ASB18: variants seen among roughly 807,000 people sequenced by gnomAD.
ASB18 encodes the protein ankyrin repeat and SOCS box containing 18, also known as ankyrin repeat and SOCS box protein 18.
Under a neutral mutation model 33.4 loss-of-function variants are expected in ASB18, and 33 were observed. The observed-to-expected ratio is 0.99, with a 90% CI of 0.75 to 1.32. The LOEUF (loss-of-function observed/expected upper bound fraction) is 1.32, where lower values mean the gene tolerates loss of function less well. Among genes scored for constraint, ASB18 ranks in the 40% most tolerant of loss-of-function variants. The pLI is 0.00. For synonymous variants in ASB18, 295 were observed against 307.6 expected (o/e 0.96, Z 0.43); for missense variants, 694 against 655.5 (o/e 1.06, Z -0.64).
chr2:236,199,646 G>C (rs530800930), intron 4 of ASB18, among the ~76,000 whole-genome samples: 103 of 151,210 alleles, frequency 6.8e-4, no homozygotes, highest in Admixed American at 1.1e-3. Context: ...AAATAGTAGA[G>C]TATACATAAT....
In ASB18 at chr2:236,260,013, TTC is replaced by T. The variant is rs1652187000; in HGVS notation, c.205+4126_205+4127del. 7.2e-5 allele frequency among the ~76,000 whole-genome samples: 11 copies of T among 152,344 alleles called. No homozygotes were observed. The South Asian group carries it at 2.1e-3, about 29-fold the overall frequency. On this transcript the variant is annotated intron_variant, in intron 1 of 5. Coordinates refer to ENST00000409749, the MANE Select transcript of ASB18 (RefSeq NM_212556.4). This position sits in a 1 kb window ranked among gnomAD's most constrained non-coding sequence, Gnocchi z 5.1. ...GTTGACATGGATGCATCAAAATAAATTCTGTTTCTTTCTGTTCTATTTGGTGG... is the reference window on the plus strand; with the variant it reads ...GTTGACATGGATGCATCAAAATAAATTGTTTCTTTCTGTTCTATTTGGTGG...
chr2:236,196,826 G>T lies in ASB18; in HGVS notation c.1102-441C>A, dbSNP rs2060376463. Among the ~76,000 whole-genome samples, 1 of 152,180 alleles carries T rather than the reference G, an allele frequency of 6.6e-6. No individual in the cohort carries two copies. Among genetic ancestry groups the T allele is most frequent in the South Asian group, 2.1e-4 (1 of 4,826 alleles). On this transcript the variant is annotated intron_variant, in intron 4 of 5. Transcript: ENST00000409749. The surrounding 1 kb of genome is among the most constrained non-coding windows in gnomAD (Gnocchi z 5.6). ...GATGTGTCAGGAAATTGAGAATTGG[G>T]GAAGAGGAATTGTTTTGCTGTTGAA...
intron 3 of ASB18, among the ~76,000 whole-genome samples, chr2:236,218,771 C>T (rs1473346105): frequency 3.7e-5 from 5 of 136,224 alleles, no homozygotes; most frequent in Non-Finnish European, 1.5e-5. Flanking sequence ...GCACTCTAGC[C>T]TGAGTGACAG....
Position 236,264,296 on chromosome 2 carries a change from A to AGATTTAAT in ASB18, c.49_50insATTAAATC (p.Val17AspfsTer2). ...ATCCAGGGCAGACTTTAATCTCTTC[A>AGATTTAAT]CTAAATCTGAGTTGAGTGGGTAGTC... On this transcript the variant is annotated stop_gained and frameshift_variant, in exon 1 of 6. Coordinates refer to ENST00000409749, the MANE Select transcript of ASB18 (RefSeq NM_212556.4). LOFTEE classifies it high-confidence loss of function. The surrounding 1 kb of genome is among the most constrained non-coding windows in gnomAD (Gnocchi z 5.1). 2 of 1,614,012 alleles carry AGATTTAAT rather than the reference A, an allele frequency of 1.2e-6. No individual in the cohort carries two copies. Among genetic ancestry groups the AGATTTAAT allele is most frequent in the Non-Finnish European group, 1.7e-6 (2 of 1,179,886 alleles).
In ASB18 at chr2:236,223,465, A is replaced by G. The variant is rs2060522254; in HGVS notation, c.597-8599T>C. Among the ~76,000 whole-genome samples, 1 of 152,232 alleles carries G rather than the reference A, an allele frequency of 6.6e-6. No individual in the cohort carries two copies. Among genetic ancestry groups the G allele is most frequent in the Admixed American group, 6.5e-5 (1 of 15,286 alleles). ...CTCTATTAGCTTCTTAGACAGGGAT[A>G]GGGGTGAGGTGGGGGGAGCTTTAAA... is the stretch of plus-strand genomic sequence containing the variant. On this transcript the variant is annotated intron_variant, in intron 3 of 5. Coordinates refer to ENST00000409749, the MANE Select transcript of ASB18 (RefSeq NM_212556.4). This position sits in a 1 kb window ranked among gnomAD's most constrained non-coding sequence, Gnocchi z 4.6.
chr2:236,210,949 C>T (rs566459212), intron 4 of ASB18, among the ~76,000 whole-genome samples: 1 of 152,336 alleles, frequency 6.6e-6, no homozygotes, highest in South Asian at 2.1e-4. Flanking sequence ...CAGAAATGTG[C>T]TCCTCAAAGA....
rs867309008 is a variant in ASB18, at chr2:236,238,858, G to A, written c.329-902C>T. On this transcript the variant is annotated intron_variant, in intron 2 of 5. Coordinates refer to ENST00000409749, the MANE Select transcript of ASB18 (RefSeq NM_212556.4). This position sits in a 1 kb window ranked among gnomAD's most constrained non-coding sequence, Gnocchi z 5.2. ...ATCGATACTGTGGCTGTAATGAGCC[G>A]CAGAGGAGACCCTTTTCACAGGCCA... Among the ~76,000 whole-genome samples the A allele has an allele frequency of 2.0e-5, 3 of 152,170 alleles. No individual in the cohort carries two copies. Among genetic ancestry groups the A allele is most frequent in the Admixed American group, 6.5e-5 (1 of 15,278 alleles).
chr2:236,264,321 C>T lies in ASB18; in HGVS notation c.25G>A (p.Asp9Asn), dbSNP rs777525281. ...ACTAAATCTGAGTTGAGTGGGTAGT[C>T]GGGAAGGTAATCCGAGTTGGACATT... MSNSDYLP[D>N]YPLNSDLVKR... Residue 9 changes from aspartate to asparagine, a missense_variant, in exon 1 of 6, where the codon GAC becomes AAC. Transcript: ENST00000409749. This position sits in a 1 kb window ranked among gnomAD's most constrained non-coding sequence, Gnocchi z 5.1. 3.0e-5 allele frequency: 49 copies of T among 1,613,400 alleles called. No individual in the cohort carries two copies. The highest frequency in any genetic ancestry group is 1.6e-4 in the Middle Eastern group (1 of 6,076).
At position 236,242,000 on chromosome 2, in the gene ASB18, A is replaced by G. The variant is rs908759208; in HGVS notation, c.206-598T>C. Among the ~76,000 whole-genome samples the G allele has an allele frequency of 4.6e-5, 7 of 152,176 alleles. No individual in the cohort carries two copies. The East Asian group carries it at 9.6e-4, about 21-fold the overall frequency. ...CTCTCAGATTTTTTTTTAAAGTACT[A>G]TATTTGGAATCTGGAAATAAAAGTC... On this transcript the variant is annotated intron_variant, in intron 1 of 5. Transcript: ENST00000409749. This position sits in a 1 kb window ranked among gnomAD's most constrained non-coding sequence, Gnocchi z 4.2.
rs922631912 is a variant in ASB18, at chr2:236,263,037, G to T, written c.205+1104C>A. On this transcript the variant is annotated intron_variant, in intron 1 of 5. Coordinates refer to ENST00000409749, the MANE Select transcript of ASB18 (RefSeq NM_212556.4). The surrounding 1 kb of genome is among the most constrained non-coding windows in gnomAD (Gnocchi z 4.0). ...GTGTGCATGTGATGCATGTACTTGC[G>T]TGTGCGTGTGTGCACCTATGTTGGG... 6.6e-6 allele frequency among the ~76,000 whole-genome samples: 1 copy of T among 152,184 alleles called. No homozygotes were observed. The highest frequency in any genetic ancestry group is 1.5e-5 in the Non-Finnish European group (1 of 68,044).
At chr2:236,198,002 C>T (rs1200178939) in intron 4 of ASB18, among the ~76,000 whole-genome samples, 1 of 152,136 alleles carries the variant, frequency 6.6e-6, no homozygotes, top group Non-Finnish European at 1.5e-5. Context: ...CATATATCTG[C>T]AGCAATGACC....
chr2:236,241,165 G>A lies in ASB18; in HGVS notation c.328+115C>T. 9.8e-7 allele frequency: 1 copy of A among 1,025,636 alleles called. No individual in the cohort carries two copies. The highest frequency in any genetic ancestry group is 1.5e-6 in the Non-Finnish European group (1 of 680,168). The allele number at this position is 1,025,636 out of a possible 1,614,324, so 63.5% of individuals were successfully genotyped here. ...AAACTTCATCAGATGTCCTTTTCTT[G>A]TGTACGTTAAACCCAGTGCCACTGT... On this transcript the variant is annotated intron_variant, in intron 2 of 5. Coordinates refer to ENST00000409749, the MANE Select transcript of ASB18 (RefSeq NM_212556.4). The surrounding 1 kb of genome is among the most constrained non-coding windows in gnomAD (Gnocchi z 4.2).
At chr2:236,197,650 C>T (rs1397861454) in intron 4 of ASB18, among the ~76,000 whole-genome samples, 1 of 152,076 alleles carries the variant, frequency 6.6e-6, no homozygotes, top group African/African-American at 2.4e-5. Flanking sequence ...GGAGAAACAC[C>T]GTCTCTACTT....
chr2:236,251,018 C>T lies in ASB18; in HGVS notation c.206-9616G>A, dbSNP rs529245551. Among the ~76,000 whole-genome samples, 3 of 152,326 alleles carry T rather than the reference C, an allele frequency of 2.0e-5. No individual in the cohort carries two copies. In the South Asian group the frequency reaches 6.2e-4, roughly 32 times the overall value. ...TTCACATTATTAAGAAATCTCATTTCCATCATGTGGAGGAACACAATAAGG... is the reference window on the plus strand; with the variant it reads ...TTCACATTATTAAGAAATCTCATTTTCATCATGTGGAGGAACACAATAAGG... On this transcript the variant is annotated intron_variant, in intron 1 of 5. Coordinates refer to ENST00000409749, the MANE Select transcript of ASB18 (RefSeq NM_212556.4). This position sits in a 1 kb window ranked among gnomAD's most constrained non-coding sequence, Gnocchi z 5.3.
chr2:236,212,236 T>A (rs1170827559), intron 4 of ASB18, among the ~76,000 whole-genome samples: 1 of 152,176 alleles, frequency 6.6e-6, no homozygotes, highest in East Asian at 1.9e-4. Flanking sequence ...ACCCCATTTC[T>A]GTGTGGCTGA....
At position 236,200,545 on chromosome 2, in the gene ASB18, T is replaced by C. The variant is rs144064414; in HGVS notation, c.1102-4160A>G. Among the ~76,000 whole-genome samples the C allele has an allele frequency of 3.1e-3, 473 of 152,300 alleles. 2 individuals carry two copies. The highest frequency in any genetic ancestry group is 0.011 in the African/African-American group (442 of 41,568). On this transcript the variant is annotated intron_variant, in intron 4 of 5. Transcript: ENST00000409749. This position sits in a 1 kb window ranked among gnomAD's most constrained non-coding sequence, Gnocchi z 4.2. Reference sequence around the variant, plus strand: ...TCGTAGCAGAAGCAGCAGTCCTCGCTTGGGGATACACAGCTAGCCTGAGGC... The same window carrying C: ...TCGTAGCAGAAGCAGCAGTCCTCGCCTGGGGATACACAGCTAGCCTGAGGC...
intron 3 of ASB18, among the ~76,000 whole-genome samples, chr2:236,232,213 C>G (rs2060568959): frequency 6.6e-6 from 1 of 151,154 alleles, no homozygotes. Context: ...CTGGAAAATC[C>G]CCACATATTT....
chr2:236,246,755 G>A (rs1267303888), intron 1 of ASB18, among the ~76,000 whole-genome samples: 1 of 152,118 alleles, frequency 6.6e-6, no homozygotes, highest in African/African-American at 2.4e-5. Flanking sequence ...GTATTCTGTA[G>A]TTGCACTATT....
rs1340839918 is a variant in ASB18, at chr2:236,244,657, C to T, written c.206-3255G>A. The stretch of plus-strand genomic sequence containing the variant: ...CCGACCTCTGAGTGCCCAACCAGAG[C>T]AGGCTTTCTGTGTGGGCTCTTTATT... On this transcript the variant is annotated intron_variant, in intron 1 of 5. Transcript: ENST00000409749. The surrounding 1 kb of genome is among the most constrained non-coding windows in gnomAD (Gnocchi z 6.1). Among the ~76,000 whole-genome samples, 3 of 152,074 alleles carry T rather than the reference C, an allele frequency of 2.0e-5. No homozygotes were observed. The highest frequency in any genetic ancestry group is 6.5e-5 in the Admixed American group (1 of 15,274).
Sources: gnomAD v4.1 joint callset for allele counts (sites outside exome capture counted in the v4.1 genomes callset) on GRCh38, gnomAD v4.1.1 for gene constraint, Gnocchi (gnomAD v3.1) non-coding constraint, MANE v1.5 for transcripts, NCBI Gene and HGNC (gene_info 2026-07-23, HGNC 2026-07-21) for gene names.